Variants in ZNF438 observed in about 807,000 individuals in gnomAD.
The protein encoded by ZNF438 is zinc finger protein 438.
In ZNF438, 25 loss-of-function variants were observed where a neutral mutation model predicts 38.0. That is an observed-to-expected ratio of 0.66 (90% confidence interval 0.48 to 0.92). The LOEUF is 0.92. Among genes scored for constraint, ZNF438 ranks in the 40% least tolerant of loss-of-function variants. The pLI, the probability that ZNF438 is intolerant of heterozygous loss-of-function variation, is 0.00. For synonymous variants in ZNF438, 372 were observed against 364.1 expected (o/e 1.02, Z -0.25); for missense variants, 1,007 against 999.6 (o/e 1.01, Z -0.10).
At chr10:30,907,837 A>G (rs374877468) in intron 3 of ZNF438, among the ~76,000 whole-genome samples, 4 of 151,534 alleles carry the variant, frequency 2.6e-5, no homozygotes, top group African/African-American at 9.7e-5. Flanking sequence ...TTGCACTTTC[A>G]TCTTTATTAT....
At chr10:30,909,843 T>C (rs1458318659) in intron 2 of ZNF438, among the ~76,000 whole-genome samples, 1 of 152,232 alleles carries the variant, frequency 6.6e-6, no homozygotes, top group Non-Finnish European at 1.5e-5. Context: ...AAATATTCTT[T>C]CAAGCTGGTA....
At chr10:30,991,212 G>A (rs1185189386) in intron 1 of ZNF438, among the ~76,000 whole-genome samples, 1 of 152,276 alleles carries the variant, frequency 6.6e-6, no homozygotes, top group East Asian at 1.9e-4. Context: ...TTTCCCCTCA[G>A]CTCCCAAGCT....
At chr10:31,011,594 T>A in intron 1 of ZNF438, among the ~76,000 whole-genome samples, 1 of 152,180 alleles carries the variant, frequency 6.6e-6, no homozygotes, top group Non-Finnish European at 1.5e-5. Context: ...GGTCAGGCCT[T>A]CATCCACAGA....
At chr10:30,990,466 A>G (rs1183354883) in intron 1 of ZNF438, among the ~76,000 whole-genome samples, 1 of 152,156 alleles carries the variant, frequency 6.6e-6, no homozygotes, top group East Asian at 1.9e-4. Context: ...CCAGAAATAC[A>G]AACCCTCAGG....
chr10:31,004,525 G>C (rs942677661), intron 1 of ZNF438, among the ~76,000 whole-genome samples: 6 of 152,174 alleles, frequency 3.9e-5, no homozygotes, highest in Non-Finnish European at 7.4e-5. Flanking sequence ...ACTGATAGGG[G>C]GTTAAAAGGT....
At chr10:30,939,579 A>T (rs188586142) in intron 2 of ZNF438, among the ~76,000 whole-genome samples, 6 of 152,384 alleles carry the variant, frequency 3.9e-5, no homozygotes, top group Admixed American at 2.6e-4. Flanking sequence ...TGTGGGAAAG[A>T]TCAGAAGAGC....
chr10:31,001,400 G>T (rs1373688059), intron 1 of ZNF438, among the ~76,000 whole-genome samples: 2 of 152,100 alleles, frequency 1.3e-5, no homozygotes, highest in African/African-American at 4.8e-5. Context: ...CATAAATGCA[G>T]CTATCCTTAA....
At chr10:30,938,585 C>A (rs1182582019) in intron 2 of ZNF438, among the ~76,000 whole-genome samples, 1 of 151,924 alleles carries the variant, frequency 6.6e-6, no homozygotes, top group Non-Finnish European at 1.5e-5. Context: ...CTAGCTCTAG[C>A]ACTATTCTTC....
At chr10:30,918,374 T>G (rs1477663070) in intron 2 of ZNF438, among the ~76,000 whole-genome samples, 1 of 152,204 alleles carries the variant, frequency 6.6e-6, no homozygotes, top group Admixed American at 6.6e-5. Flanking sequence ...AAATGTCATT[T>G]AATTGAGTTT....
Position 31,027,524 on chromosome 10 carries a change from C to A in ZNF438, c.-192+4309G>T, listed in dbSNP as rs572271427. On this transcript the variant is annotated intron_variant, in intron 1 of 5. Coordinates refer to ENST00000413025, the Ensembl canonical transcript of ZNF438. ...CCCCTCTGCTGGGAGCTACCTGACACAATTAAATAACCATCAACCTGCCCT... is the reference window on the plus strand; with the variant it reads ...CCCCTCTGCTGGGAGCTACCTGACAAAATTAAATAACCATCAACCTGCCCT... Among the ~76,000 whole-genome samples, 11 of 152,150 alleles carry A rather than the reference C, an allele frequency of 7.2e-5. No individual in the cohort carries two copies. In the East Asian group the frequency reaches 2.1e-3, roughly 29 times the overall value.
At chr10:30,929,384 C>A (rs1465661752) in intron 2 of ZNF438, among the ~76,000 whole-genome samples, 1 of 152,072 alleles carries the variant, frequency 6.6e-6, no homozygotes, top group East Asian at 1.9e-4. Context: ...CAGACCTTCG[C>A]AGTGAGTGTT....
chr10:30,894,624 C>G (rs1039663023), intron 3 of ZNF438, among the ~76,000 whole-genome samples: 2 of 151,306 alleles, frequency 1.3e-5, no homozygotes, highest in African/African-American at 4.9e-5. Flanking sequence ...AACTAACGAT[C>G]AAGAGAAAGA....
intron 1 of ZNF438, among the ~76,000 whole-genome samples, chr10:30,950,650 G>C (rs1409867452): frequency 1.3e-5 from 2 of 149,174 alleles, no homozygotes; most frequent in East Asian, 3.9e-4. Flanking sequence ...AAATCTAGAA[G>C]AAATGGATAA....
chr10:30,947,026 T>C (rs2047492085), intron 1 of ZNF438, among the ~76,000 whole-genome samples: 1 of 152,258 alleles, frequency 6.6e-6, no homozygotes, highest in South Asian at 2.1e-4. Flanking sequence ...TCCTGTCTTT[T>C]GTGCTACTGT....
intron 1 of ZNF438, among the ~76,000 whole-genome samples, chr10:30,981,203 C>T (rs2052090519): frequency 6.6e-6 from 1 of 152,174 alleles, no homozygotes; most frequent in African/African-American, 2.4e-5. Flanking sequence ...CAGAGAACAA[C>T]TGACATGTTA....
At chr10:30,923,110 T>C (rs2044510672) in intron 2 of ZNF438, among the ~76,000 whole-genome samples, 1 of 152,242 alleles carries the variant, frequency 6.6e-6, no homozygotes, top group African/African-American at 2.4e-5. Context: ...CATAATTGAA[T>C]TGTCAGTAGA....
intron 1 of ZNF438, among the ~76,000 whole-genome samples, chr10:31,000,146 C>T (rs902904759): frequency 1.3e-5 from 2 of 152,150 alleles, no homozygotes; most frequent in African/African-American, 4.8e-5. Flanking sequence ...CAGCTGTCTA[C>T]AATTTTTATA....
At chr10:30,933,834 C>T (rs2045942890) in intron 2 of ZNF438, among the ~76,000 whole-genome samples, 1 of 152,032 alleles carries the variant, frequency 6.6e-6, no homozygotes, top group Non-Finnish European at 1.5e-5. Context: ...ACAGTGGGGG[C>T]ACTGGGAGCC....
chr10:30,874,103 G>GTGT (rs1564540418), intron 4 of ZNF438, among the ~76,000 whole-genome samples: 4 of 16,812 alleles, frequency 2.4e-4, no homozygotes, highest in African/African-American at 1.4e-3. Context: ...GGTGTGTGGG[G>GTGT]GTGTGTGTGT....
Sources: gnomAD v4.1 joint callset for allele counts (sites outside exome capture counted in the v4.1 genomes callset) on GRCh38, gnomAD v4.1.1 for gene constraint, MANE v1.5 for transcripts, NCBI Gene and HGNC (gene_info 2026-07-23, HGNC 2026-07-21) for gene names.